The following TAFA2 variants were observed in gnomAD, a reference collection of about 807,000 sequenced individuals.
The protein encoded by TAFA2 is chemokine-like protein TAFA-2.
A neutral mutation model predicts 18.8 loss-of-function variants in TAFA2; 7 were observed. That is an observed-to-expected ratio of 0.37 (90% CI 0.21 to 0.70). The LOEUF is 0.70. TAFA2 is among the 30% of genes least tolerant of loss of function. The pLI, the probability that TAFA2 is intolerant of heterozygous loss-of-function variation, is 0.53. For missense variants in TAFA2, 122 were observed against 158.1 expected (o/e 0.77, Z 1.23); for synonymous variants, 60 against 54.2 (o/e 1.11, Z -0.47).
chr12:61,729,913 T>G (rs1282654811), intron 4 of TAFA2, among the ~76,000 whole-genome samples: 1 of 152,048 alleles, frequency 6.6e-6, no homozygotes, highest in East Asian at 1.9e-4. Flanking sequence ...TCCCATGGGG[T>G]GATCCCTCGA....
intron 2 of TAFA2, among the ~76,000 whole-genome samples, chr12:61,841,022 G>A (rs747100222): frequency 6.6e-6 from 1 of 151,992 alleles, no homozygotes; most frequent in Non-Finnish European, 1.5e-5. Context: ...CAAAGACATA[G>A]AGTCTTTACT....
At chr12:61,965,545 A>AAAG (rs989386156) in intron 1 of TAFA2, among the ~76,000 whole-genome samples, 3 of 151,932 alleles carry the variant, frequency 2.0e-5, no homozygotes, top group African/African-American at 7.2e-5. Flanking sequence ...CCTTGTCTTA[A>AAAG]AAGAAAAGTG....
At chr12:61,713,893 A>G (rs1869527809) in intron 4 of TAFA2, among the ~76,000 whole-genome samples, 1 of 152,226 alleles carries the variant, frequency 6.6e-6, no homozygotes, top group Admixed American at 6.5e-5. Context: ...CAATATTTAT[A>G]CAATCCAACA....
intron 1 of TAFA2, among the ~76,000 whole-genome samples, chr12:62,124,274 G>T (rs778104903): frequency 1.1e-4 from 16 of 151,346 alleles, no homozygotes; most frequent in African/African-American, 2.2e-4. Context: ...GTCATATAAG[G>T]TCTCTAAGTA....
At chr12:62,180,230 G>C (rs2062543012) in intron 1 of TAFA2, among the ~76,000 whole-genome samples, 1 of 152,130 alleles carries the variant, frequency 6.6e-6, no homozygotes, top group African/African-American at 2.4e-5. Context: ...CATTGGGGAA[G>C]AAGAATAGAT....
intron 2 of TAFA2, among the ~76,000 whole-genome samples, chr12:61,844,524 G>C (rs1437478380): frequency 6.6e-6 from 1 of 152,026 alleles, no homozygotes; most frequent in Non-Finnish European, 1.5e-5. Flanking sequence ...TAAGGTCTTA[G>C]TTATTTAGGC....
At chr12:61,934,425 A>G (rs756881152) in intron 1 of TAFA2, among the ~76,000 whole-genome samples, 10 of 152,234 alleles carry the variant, frequency 6.6e-5, no homozygotes, top group Non-Finnish European at 1.5e-4. Context: ...GACACAAATT[A>G]AAGTTAAGTA....
At chr12:61,724,974 T>G (rs1409773268) in intron 4 of TAFA2, among the ~76,000 whole-genome samples, 1 of 151,866 alleles carries the variant, frequency 6.6e-6, no homozygotes, top group Admixed American at 6.6e-5. Flanking sequence ...TCCATACCAA[T>G]GTCTATTATT....
At chr12:62,079,289 C>CAATTAATTGCA (rs1348240437) in intron 1 of TAFA2, among the ~76,000 whole-genome samples, 1 of 152,082 alleles carries the variant, frequency 6.6e-6, no homozygotes, top group Non-Finnish European at 1.5e-5. Context: ...TATATTTTAT[C>CAATTAATTGCA]AATTAATTGC....
At chr12:61,909,765 C>G (rs907779064) in intron 1 of TAFA2, among the ~76,000 whole-genome samples, 4 of 151,944 alleles carry the variant, frequency 2.6e-5, no homozygotes, top group Non-Finnish European at 4.4e-5. Flanking sequence ...TTAAGAGGCA[C>G]CACAAACCTG....
chr12:61,746,756 G>A (rs376478230), intron 4 of TAFA2, among the ~76,000 whole-genome samples: 1 of 152,050 alleles, frequency 6.6e-6, no homozygotes, highest in Admixed American at 6.6e-5. Context: ...AGTTTGTTTT[G>A]TTTTGTTTTG....
At chr12:61,846,020 G>T (rs531860463) in intron 2 of TAFA2, among the ~76,000 whole-genome samples, 1 of 152,172 alleles carries the variant, frequency 6.6e-6, no homozygotes, top group South Asian at 2.1e-4. Flanking sequence ...TTGCACAATG[G>T]TATTGAAAGT....
At chr12:61,737,071 T>C (rs1424014587) in intron 4 of TAFA2, among the ~76,000 whole-genome samples, 1 of 151,896 alleles carries the variant, frequency 6.6e-6, no homozygotes, top group African/African-American at 2.4e-5. Flanking sequence ...ACTCTGAGAA[T>C]CACATTAAAG....
chr12:61,793,472 G>A (rs1359172579), intron 2 of TAFA2, among the ~76,000 whole-genome samples: 2 of 151,504 alleles, frequency 1.3e-5, no homozygotes, highest in Admixed American at 1.3e-4. Context: ...TTAAAAAGTT[G>A]TGCCAATAAT....
intron 1 of TAFA2, among the ~76,000 whole-genome samples, chr12:62,055,158 G>C (rs1243935433): frequency 1.3e-5 from 2 of 152,132 alleles, no homozygotes; most frequent in African/African-American, 4.8e-5. Context: ...AGGACTCCAG[G>C]AAGCAGTCCC....
intron 4 of TAFA2, among the ~76,000 whole-genome samples, chr12:61,727,758 G>A (rs766458798): frequency 4.0e-5 from 6 of 151,250 alleles, no homozygotes; most frequent in Non-Finnish European, 4.4e-5. Context: ...CTGGGTATGG[G>A]TTTGGTTTGT....
chr12:61,834,069 T>C (rs1322834108), intron 2 of TAFA2, among the ~76,000 whole-genome samples: 1 of 152,064 alleles, frequency 6.6e-6, no homozygotes, highest in Non-Finnish European at 1.5e-5. Context: ...TCCATGACAA[T>C]AGTAGTAACA....
intron 2 of TAFA2, among the ~76,000 whole-genome samples, chr12:61,781,750 C>T (rs1374648706): frequency 6.6e-6 from 1 of 151,496 alleles, no homozygotes; most frequent in Non-Finnish European, 1.5e-5. Context: ...TATTATAATG[C>T]AATTATAAAC....
At chr12:62,145,063 A>G (rs898652987) in intron 1 of TAFA2, among the ~76,000 whole-genome samples, 3 of 152,244 alleles carry the variant, frequency 2.0e-5, no homozygotes, top group African/African-American at 7.2e-5. Context: ...CACCTTAGGT[A>G]GACACCATAA....
Sources: gnomAD v4.1 joint callset for allele counts (sites outside exome capture counted in the v4.1 genomes callset) on GRCh38, gnomAD v4.1.1 for gene constraint, MANE v1.5 for transcripts, NCBI Gene and HGNC (gene_info 2026-07-23, HGNC 2026-07-21) for gene names.